A2M: variants seen among roughly 807,000 people sequenced by gnomAD.
The protein encoded by A2M is alpha-2-macroglobulin.
A neutral mutation model predicts 183.9 loss-of-function variants in A2M; 128 were observed. That is an observed-to-expected ratio of 0.70 (90% CI 0.60 to 0.81). The LOEUF (loss-of-function observed/expected upper bound fraction) is 0.81, where lower values mean the gene tolerates loss of function less well. Among genes scored for constraint, A2M ranks in the 30% least tolerant of loss-of-function variants. A2M has a pLI of 0.00. For missense variants in A2M, 1,495 were observed against 1,787.6 expected (o/e 0.84, Z 2.95); for synonymous variants, 592 against 670.8 (o/e 0.88, Z 1.81).
rs1259395599 is a variant in A2M at position 9,093,510 on chromosome 12, C to T, written c.2195G>A (p.Arg732Gln). The change falls in exon 18 of 36, where the codon CGA (arginine) becomes CAA (glutamine). Residue 732 changes from arginine to glutamine, a missense_variant. Arg to Gln is a conservative substitution (Grantham distance 43, BLOSUM62 1). Transcript: ENST00000318602. ...GATCCATGTCTCAGGGAAGTACTTTCGTACGGTCTCCGTGTGAGGCTCTTC... is the reference window on the plus strand; with the variant it reads ...GATCCATGTCTCAGGGAAGTACTTTTGTACGGTCTCCGTGTGAGGCTCTTC... The part of the protein sequence containing the change: ...HVEEPHTETV[R>Q]KYFPETWIWD... 3.7e-6 allele frequency: 6 copies of T among 1,613,798 alleles called. No homozygotes were observed. The highest frequency in any genetic ancestry group is 1.3e-5 in the African/African-American group (1 of 74,900).
chr12:9,094,365 A>ATG (rs1949307464), intron 17 of A2M, among the ~76,000 whole-genome samples: 1 of 145,594 alleles, frequency 6.9e-6, no homozygotes, highest in African/African-American at 2.5e-5. Context: ...ATATATATAT[A>ATG]TATATATATA....
At chr12:9,077,901 G>C (rs748520541) in intron 25 of A2M, 44 bp from the exon 26 acceptor site, 1 of 1,613,012 alleles carries the variant, frequency 6.2e-7, no homozygotes, top group South Asian at 1.1e-5. Context: ...TTGTCAAAAT[G>C]GTTTTATAAC....
At chr12:9,069,399 T>A (rs1948496811) in intron 33 of A2M, among the ~76,000 whole-genome samples, 1 of 152,186 alleles carries the variant, frequency 6.6e-6, no homozygotes, top group Admixed American at 6.5e-5. Context: ...ATATTGTTGT[T>A]GAGTATGTTG....
chr12:9,091,687 G>A lies in A2M; in HGVS notation c.2241-258C>T, dbSNP rs377631518. On this transcript the variant is annotated intron_variant, in intron 18 of 35. Coordinates refer to ENST00000318602, the MANE Select transcript of A2M (RefSeq NM_000014.6). Reference sequence around the variant, plus strand: ...TAAATTTAACATGCAGTTTGAGATTGTTCTTAAGTTCTCTTCTCTAAAATG... The same window carrying A: ...TAAATTTAACATGCAGTTTGAGATTATTCTTAAGTTCTCTTCTCTAAAATG... Among the ~76,000 whole-genome samples, 5 of 152,186 alleles carry A rather than the reference G, an allele frequency of 3.3e-5. No individual in the cohort carries two copies. In the East Asian group the frequency reaches 5.8e-4, roughly 18 times the overall value.
chr12:9,082,689 C>A (rs1229308887), intron 22 of A2M, among the ~76,000 whole-genome samples: 11 of 152,098 alleles, frequency 7.2e-5, no homozygotes, highest in African/African-American at 2.4e-4. Flanking sequence ...TGGCCAAGCT[C>A]AAAAAATTGA....
chr12:9,076,331 A>G (rs1174717717), intron 28 of A2M, among the ~76,000 whole-genome samples: 2 of 152,226 alleles, frequency 1.3e-5, no homozygotes, highest in Admixed American at 6.5e-5. Context: ...TGAGGTAAAT[A>G]CTATTATTAT....
Position 9,095,669 on chromosome 12 carries a change from G to A in A2M, c.1883C>T (p.Thr628Ile), listed in dbSNP as rs767148247. The A allele has an allele frequency of 2.2e-5, 35 of 1,602,722 alleles. No homozygotes were observed. Among genetic ancestry groups the A allele is most frequent in the Admixed American group, 2.2e-4 (13 of 59,624 alleles). The change falls in exon 16 of 36, where the codon ACT (threonine) becomes ATT (isoleucine). Residue 628 changes from threonine to isoleucine, a missense_variant. Thr to Ile is a moderately conservative substitution (Grantham distance 89). Transcript: ENST00000318602. ...VYNLLPEKDL[T>I]GFPGPLNDQD... ...GTCATTCAAAGGCCCAGGGAAGCCA[G>A]TGAGGTCCTTTTCTGGTAGCAGGTT...
chr12:9,110,337 G>T lies in A2M; in HGVS notation c.484-3C>A. On this transcript the variant is annotated splice_polypyrimidine_tract_variant and splice_region_variant and intron_variant, in intron 4 of 35. Transcript: ENST00000318602. ...ACCTGAATGTATACTAGTGGAATCT[G>T]AAAGACAAAAGAAAAAAGAAGTTTA... 1 of 1,427,360 alleles carries T rather than the reference G, an allele frequency of 7.0e-7. No homozygotes were observed. The highest frequency in any genetic ancestry group is 2.5e-5 in the Admixed American group (1 of 39,406). 88.4% of individuals were successfully genotyped at this position (1,427,360 alleles called of 1,614,324 possible). A position where few individuals can be genotyped will look rare whatever the true frequency, so the allele number is the denominator to read the frequency against.
chr12:9,093,796 C>T (rs868386356), intron 17 of A2M, among the ~76,000 whole-genome samples: 2 of 148,530 alleles, frequency 1.3e-5, no homozygotes, highest in African/African-American at 2.6e-5. Context: ...CGCGGTGGCT[C>T]ATGCCTGTAA....
At chr12:9,090,916 A>C (rs1446240066) in intron 19 of A2M, among the ~76,000 whole-genome samples, 1 of 152,220 alleles carries the variant, frequency 6.6e-6, no homozygotes, top group Non-Finnish European at 1.5e-5. Flanking sequence ...GAGATCGTAG[A>C]GGTTGAAACC....
rs185762401 is a variant in A2M at position 9,074,362 on chromosome 12, C to T, written c.3756+198G>A. ...GGATAATAACACAGCGATGGGGTGC[C>T]GGGATTCTGAGCATTTCCTTTTGGC... On this transcript the variant is annotated intron_variant, in intron 29 of 35. Coordinates refer to ENST00000318602, the MANE Select transcript of A2M (RefSeq NM_000014.6). 4.3e-4 allele frequency among the ~76,000 whole-genome samples: 66 copies of T among 152,164 alleles called. 1 individual carries two copies. The highest frequency in any genetic ancestry group is 1.2e-3 in the African/African-American group (51 of 41,500).
chr12:9,108,320 G>GA (rs1938463484), intron 7 of A2M, among the ~76,000 whole-genome samples: 1 of 151,980 alleles, frequency 6.6e-6, no homozygotes, highest in South Asian at 2.1e-4. Context: ...TAGAGACGGG[G>GA]TTTCACCATG....
intron 13 of A2M, 45 bp from the exon 14 acceptor site, chr12:9,099,568 C>G: frequency 1.3e-6 from 2 of 1,566,766 alleles, no homozygotes; most frequent in Non-Finnish European, 1.7e-6. Context: ...AGGTTAATGA[C>G]TATTTCCATT....
rs756934892 is a variant in A2M, at chr12:9,095,620, A to ATTG, written c.1929_1931dup (p.Asn644dup). On this transcript the variant is annotated inframe_insertion, in exon 16 of 36. Transcript: ENST00000318602. ...TTCCATTAATATAGACATTATGACG[A>ATTG]TTGATGCAGTCTTCATTGTCCTGGT... The ATTG allele has an allele frequency of 1.2e-6, 2 of 1,611,548 alleles. No homozygotes were observed. The highest frequency in any genetic ancestry group is 4.5e-5 in the East Asian group (2 of 44,860).
In A2M at chr12:9,072,446, A is replaced by G. The variant is rs758920853; in HGVS notation, c.4016T>C (p.Phe1339Ser). The change falls in exon 31 of 36, where the codon TTC becomes TCC. Residue 1339 changes from phenylalanine (F) to serine (S), a missense_variant. Coordinates refer to ENST00000318602, the MANE Select transcript of A2M (RefSeq NM_000014.6). Reference sequence around the variant, plus strand: ...AGTCTGCACTCCTAAAGCAAAGGGGAACTCTTCCTTTTCTGGGAGAATATT... The same window carrying G: ...AGTCTGCACTCCTAAAGCAAAGGGGGACTCTTCCTTTTCTGGGAGAATATT... ...KYNILPEKEEFPFALGVQTLP... is the reference protein window; with the variant it reads ...KYNILPEKEESPFALGVQTLP... The G allele has an allele frequency of 6.2e-7, 1 of 1,613,228 alleles. No homozygotes were observed. Among genetic ancestry groups the G allele is most frequent in the Admixed American group, 1.7e-5 (1 of 59,788 alleles).
intron 19 of A2M, among the ~76,000 whole-genome samples, chr12:9,090,851 C>T (rs191237201): frequency 3.8e-4 from 58 of 152,204 alleles, no homozygotes; most frequent in South Asian, 2.9e-3. Flanking sequence ...TGCTCACAAA[C>T]GACTTTTAAA....
intron 4 of A2M, among the ~76,000 whole-genome samples, chr12:9,110,623 A>G (rs896452397): frequency 6.6e-6 from 1 of 151,704 alleles, no homozygotes; most frequent in South Asian, 2.1e-4. Context: ...ATTATCATCC[A>G]TAATCATTAT....
chr12:9,093,690 A>G lies in A2M; in HGVS notation c.2126-111T>C, dbSNP rs1365340216. 6.5e-6 allele frequency: 4 copies of G among 616,938 alleles called. No individual in the cohort carries two copies. The East Asian group carries it at 1.2e-4, about 19-fold the overall frequency. 38.2% of individuals were successfully genotyped at this position (616,938 alleles called of 1,614,324 possible). ...AACAAAAAACAAATCGTCTGATGAAATAGAGAGGAAGGAGGAGAGGGCGCT... is the reference window on the plus strand; with the variant it reads ...AACAAAAAACAAATCGTCTGATGAAGTAGAGAGGAAGGAGGAGAGGGCGCT... On this transcript the variant is annotated intron_variant, in intron 17 of 35. Transcript: ENST00000318602.
At position 9,099,426 on chromosome 12, in the gene A2M, A is replaced by T. The variant is rs1949483720; in HGVS notation, c.1656T>A (p.Ile552=). The part of the protein sequence containing the change: ...IYAVLPTGDV[I]GDSAKYDVEN... ...CAACATCATATTTTGCAGAATCCCCAATCACGTCCCCGGTAGGTAAAACAG... is the reference window on the plus strand; with the variant it reads ...CAACATCATATTTTGCAGAATCCCCTATCACGTCCCCGGTAGGTAAAACAG... Residue 552 remains isoleucine, a synonymous_variant, in exon 14 of 36, where the codon ATT becomes ATA. Coordinates refer to ENST00000318602, the MANE Select transcript of A2M (RefSeq NM_000014.6). 6.3e-7 allele frequency: 1 copy of T among 1,586,178 alleles called. No homozygotes were observed. Among genetic ancestry groups the T allele is most frequent in the African/African-American group, 1.3e-5 (1 of 74,388 alleles).
Sources: allele counts gnomAD v4.1 joint callset (sites outside exome capture counted in the v4.1 genomes callset), GRCh38; gene constraint gnomAD v4.1.1; transcripts MANE v1.5; gene names NCBI Gene and HGNC (gene_info 2026-07-23, HGNC 2026-07-21).